The following ZFHX3 variants were observed in gnomAD, a reference collection of about 807,000 sequenced individuals.
The protein encoded by ZFHX3 is zinc finger homeobox 3.
Under a neutral mutation model 279.1 loss-of-function variants are expected in ZFHX3, and 42 were observed. That is an observed-to-expected ratio of 0.15 (90% CI 0.12 to 0.19). The LOEUF (loss-of-function observed/expected upper bound fraction) is 0.19, where lower values mean the gene tolerates loss of function less well. Ranked by LOEUF, ZFHX3 falls within the 10% of genes least tolerant of loss-of-function variation. ZFHX3 has a pLI of 1.00. For synonymous variants in ZFHX3, 2,293 were observed against 1,957.8 expected, an observed-to-expected ratio of 1.17 and a Z score of -4.52; for missense variants, 4,981 against 4,754.0, an observed-to-expected ratio of 1.05 and a Z score of -1.40.
chr16:73,328,130 G>C (rs954932810), intron 3 of ZFHX3, among the ~76,000 whole-genome samples: 1 of 151,884 alleles, frequency 6.6e-6, no homozygotes, highest in African/African-American at 2.4e-5. Flanking sequence ...AAACAATGAG[G>C]TCTTAAATTG....
At chr16:73,765,518 T>A (rs1298073111) in intron 1 of ZFHX3, among the ~76,000 whole-genome samples, 2 of 152,192 alleles carry the variant, frequency 1.3e-5, no homozygotes, top group African/African-American at 4.8e-5. Flanking sequence ...GATCAACTGT[T>A]CATGGCTCTT....
rs76663433 is a variant in ZFHX3 at position 73,418,449 on chromosome 16, A to G, written c.-1291+37554T>C. 1.3e-3 allele frequency among the ~76,000 whole-genome samples: 198 copies of G among 152,344 alleles called. 7 individuals are homozygous for G. In the East Asian group the frequency reaches 0.029, roughly 22 times the overall value. ...GAAGGAGTGGTGGGGGGAAGAGGAC[A>G]TCTTTGTTCAGGCTGTGTTTGTTCT... On this transcript the variant is annotated intron_variant, in intron 3 of 17. Coordinates refer to the ZFHX3 transcript ENST00000641206.
At chr16:72,913,592 T>C (rs2039372397) in intron 3 of ZFHX3, among the ~76,000 whole-genome samples, 1 of 152,198 alleles carries the variant, frequency 6.6e-6, no homozygotes. Context: ...TAAGGTGACA[T>C]CTGCTGGGTT....
At chr16:73,776,216 G>T (rs1959241037) in intron 1 of ZFHX3, among the ~76,000 whole-genome samples, 2 of 152,160 alleles carry the variant, frequency 1.3e-5, no homozygotes, top group African/African-American at 4.8e-5. Context: ...TGGGGAGAAG[G>T]CGACTTTCTT....
chr16:73,265,076 T>TATAATAGCACCTCA (rs1597251445), intron 4 of ZFHX3, among the ~76,000 whole-genome samples: 1 of 121,062 alleles, frequency 8.3e-6, no homozygotes, highest in East Asian at 2.9e-4. Context: ...AGCGCATATA[T>TATAATAGCACCTCA]GCGTGTGTGT....
chr16:72,858,660 T>A (rs1009689353), intron 4 of ZFHX3, among the ~76,000 whole-genome samples: 1 of 152,234 alleles, frequency 6.6e-6, no homozygotes, highest in Non-Finnish European at 1.5e-5. Context: ...AATTTATGCC[T>A]GCATGATTAC....
chr16:73,658,212 T>C lies in ZFHX3; in HGVS notation c.-1547+21968A>G, dbSNP rs1043014972. On this transcript the variant is annotated intron_variant, in intron 2 of 17. Transcript: ENST00000641206. ...GGAATATATGAATTTCAGGAAATACTAGCCTTTTAAATTCATGGAAATTTT... is the reference window on the plus strand; with the variant it reads ...GGAATATATGAATTTCAGGAAATACCAGCCTTTTAAATTCATGGAAATTTT... 3.3e-5 allele frequency among the ~76,000 whole-genome samples: 5 copies of C among 152,248 alleles called. No homozygotes were observed. The East Asian group carries it at 7.7e-4, about 23-fold the overall frequency.
chr16:73,715,842 G>A (rs1348763465), intron 1 of ZFHX3, among the ~76,000 whole-genome samples: 2 of 151,978 alleles, frequency 1.3e-5, no homozygotes, highest in African/African-American at 4.8e-5. Context: ...AAAGTGCTGG[G>A]ATTACAGGCA....
At position 72,797,428 on chromosome 16, in the gene ZFHX3, C is replaced by T. The variant is rs893359877; in HGVS notation, c.5254G>A (p.Val1752Ile). ...AGCTCCTGCTGCAGGTGAGCTTGAA[C>T]TTGAGCCTGGGCCTGGGCCAGCGTT... The part of the protein sequence containing the change: ...AQTLAQAQAQ[V>I]QAHLQQELQQ... The change falls in exon 9 of 10, where the codon GTT becomes ATT. Residue 1752 changes from valine (V) to isoleucine (I), a missense_variant. Transcript: ENST00000268489. 11 of 1,613,010 alleles carry T rather than the reference C, an allele frequency of 6.8e-6. No homozygotes were observed. Among genetic ancestry groups the T allele is most frequent in the Non-Finnish European group, 7.6e-6 (9 of 1,179,580 alleles).
At chr16:72,996,283 AAAAT>A (rs977289669) in intron 1 of ZFHX3, among the ~76,000 whole-genome samples, 18 of 152,320 alleles carry the variant, frequency 1.2e-4, no homozygotes, top group African/African-American at 3.6e-4. Context: ...ACTCCAACAT[AAAAT>A]AAATAAATTA....
intron 1 of ZFHX3, among the ~76,000 whole-genome samples, chr16:73,714,949 G>T (rs1026085234): frequency 2.0e-5 from 3 of 152,114 alleles, no homozygotes; most frequent in Non-Finnish European, 4.4e-5. Flanking sequence ...TCATCTCCTC[G>T]GATAAAGTCC....
chr16:73,432,941 A>T (rs139105464), intron 3 of ZFHX3, among the ~76,000 whole-genome samples: 2 of 152,298 alleles, frequency 1.3e-5, no homozygotes, highest in Admixed American at 6.5e-5. Flanking sequence ...TGCAGTACCA[A>T]CTAGATCATA....
intron 5 of ZFHX3, among the ~76,000 whole-genome samples, chr16:73,211,846 G>C (rs774334844): frequency 5.9e-5 from 9 of 152,132 alleles, no homozygotes; most frequent in East Asian, 5.8e-4. Context: ...TGGCAGGGAG[G>C]GGGGTGGCAA....
chr16:73,483,277 T>A, intron 2 of ZFHX3: 1 of 419,920 alleles, frequency 2.4e-6, no homozygotes, highest in Non-Finnish European at 4.7e-6. Context: ...TGCGTACGCA[T>A]AGACACGTGC....
chr16:73,261,067 G>T (rs759739961), intron 4 of ZFHX3, among the ~76,000 whole-genome samples: 6 of 152,124 alleles, frequency 3.9e-5, no homozygotes, highest in Non-Finnish European at 8.8e-5. Flanking sequence ...AAGGATTTAT[G>T]TGCAAGGTTA....
intron 3 of ZFHX3, among the ~76,000 whole-genome samples, chr16:72,926,305 TCTCACA>T: frequency 6.6e-6 from 1 of 152,172 alleles, no homozygotes; most frequent in East Asian, 1.9e-4. Flanking sequence ...TCTCTGTCTC[TCTCACA>T]CTCTCACTCT....
chr16:73,706,456 C>T (rs1049955532), intron 1 of ZFHX3, among the ~76,000 whole-genome samples: 31 of 129,766 alleles, frequency 2.4e-4, no homozygotes, highest in Non-Finnish European at 5.0e-4. Context: ...AACTCTATCT[C>T]AAAAAAAAAA....
chr16:72,959,484 A>G lies in ZFHX3; in HGVS notation c.662T>C (p.Leu221Pro), dbSNP rs576422324. The G allele has an allele frequency of 6.2e-7, 1 of 1,614,280 alleles. No individual in the cohort carries two copies. The highest frequency in any genetic ancestry group is 1.3e-5 in the African/African-American group (1 of 75,080). The change falls in exon 2 of 10, where the codon CTG becomes CCG. Residue 221 changes from leucine to proline, a missense_variant. By Grantham distance (98) the Leu-to-Pro change is moderately conservative (BLOSUM62 -3). Around this residue, in one of 7 missense-constraint regions of ZFHX3, gnomAD observed 1,068 missense variants for 935.2 expected, o/e 1.14. Transcript: ENST00000268489. ...GTGCAGGACGGGGCTGAGCCCCGCC[A>G]GGGCTGAGGTATTCGGGAAAGCCTG... ...PDQAFPNTSA[L>P]AGLSPVLHSF...
At chr16:73,263,575 C>A (rs2013883693) in intron 4 of ZFHX3, among the ~76,000 whole-genome samples, 1 of 152,282 alleles carries the variant, frequency 6.6e-6, no homozygotes, top group East Asian at 1.9e-4. Context: ...CCCTCTCCTC[C>A]CAGAAGCAGC....
Sources: allele counts gnomAD v4.1 joint callset (sites outside exome capture counted in the v4.1 genomes callset), GRCh38; gene constraint gnomAD v4.1.1; regional missense constraint gnomAD v4.1.1; transcripts MANE v1.5; gene names NCBI Gene and HGNC (gene_info 2026-07-23, HGNC 2026-07-21).